Variants in TLN2 observed in about 807,000 individuals in gnomAD.
The protein encoded by TLN2 is talin 2, also known as talin-2.
TLN2 carries 118 observed loss-of-function variants against 294.7 expected under a neutral mutation model. The observed-to-expected ratio is 0.40, with a 90% CI of 0.34 to 0.47. The LOEUF (loss-of-function observed/expected upper bound fraction) is 0.47, where lower values mean the gene tolerates loss of function less well. Ranked by LOEUF, TLN2 falls within the 20% of genes least tolerant of loss-of-function variation. TLN2 has a pLI of 0.84. For synonymous variants in TLN2, 1,431 were observed against 1,304.5 expected, an observed-to-expected ratio of 1.10 and a Z score of -2.09; for missense variants, 3,083 against 3,282.2, an observed-to-expected ratio of 0.94 and a Z score of 1.48.
At chr15:62,508,459 C>T (rs2039752208) in intron 1 of TLN2, among the ~76,000 whole-genome samples, 1 of 152,184 alleles carries the variant, frequency 6.6e-6, no homozygotes, top group South Asian at 2.1e-4. Context: ...TTGTGATCCA[C>T]CCGCCTCGGC....
chr15:62,601,806 G>C (rs1322345785), intron 2 of TLN2, among the ~76,000 whole-genome samples: 1 of 152,166 alleles, frequency 6.6e-6, no homozygotes, highest in African/African-American at 2.4e-5. Context: ...GTCCAAAAGA[G>C]ATCACTGAGA....
At chr15:62,598,928 G>T (rs1178094914) in intron 2 of TLN2, among the ~76,000 whole-genome samples, 1 of 152,114 alleles carries the variant, frequency 6.6e-6, no homozygotes, top group Non-Finnish European at 1.5e-5. Context: ...TCACTAGACA[G>T]AACTAGAGGA....
chr15:62,563,438 G>C (rs1039444667), intron 1 of TLN2, among the ~76,000 whole-genome samples: 1 of 152,000 alleles, frequency 6.6e-6, no homozygotes, highest in Non-Finnish European at 1.5e-5. Context: ...TTTTTGATGG[G>C]CTTATTTGTT....
At chr15:62,611,442 C>T (rs2047907450) in intron 2 of TLN2, among the ~76,000 whole-genome samples, 1 of 152,144 alleles carries the variant, frequency 6.6e-6, no homozygotes, top group African/African-American at 2.4e-5. Flanking sequence ...ACAGTAGTCC[C>T]CAGAGGGCAA....
intron 33 of TLN2, among the ~76,000 whole-genome samples, chr15:62,748,860 T>G (rs774633525): frequency 2.6e-5 from 4 of 152,190 alleles, no homozygotes; most frequent in Admixed American, 6.5e-5. Context: ...GTAAAAATGA[T>G]TTTCCCATAC....
chr15:62,538,499 G>A (rs1486447049), intron 1 of TLN2, among the ~76,000 whole-genome samples: 3 of 152,152 alleles, frequency 2.0e-5, no homozygotes, highest in Admixed American at 1.3e-4. Context: ...TTATTTTCAG[G>A]TTGTATAGCA....
chr15:62,570,025 T>C (rs1287574409), intron 1 of TLN2, among the ~76,000 whole-genome samples: 1 of 152,180 alleles, frequency 6.6e-6, no homozygotes, highest in Non-Finnish European at 1.5e-5. Flanking sequence ...TCTTCCTTCT[T>C]CTCTATCTCT....
Position 62,795,061 on chromosome 15 carries a change from C to T in TLN2, c.5884-1066C>T, listed in dbSNP as rs191844390. On this transcript the variant is annotated intron_variant, in intron 46 of 58. Coordinates refer to ENST00000636159, the MANE Select transcript of TLN2 (RefSeq NM_015059.3). ...GCAAGAACGGTGTGCTGTGGCGTCC[C>T]GGGAGGCAGGGCTGTCTCTGGAAGA... is the stretch of plus-strand genomic sequence containing the variant. 1.2e-3 allele frequency among the ~76,000 whole-genome samples: 185 copies of T among 152,266 alleles called. 1 individual carries two copies. Among genetic ancestry groups the T allele is most frequent in the African/African-American group, 3.8e-3 (158 of 41,554 alleles).
chr15:62,616,358 G>A (rs1349103654), intron 2 of TLN2, among the ~76,000 whole-genome samples: 1 of 152,140 alleles, frequency 6.6e-6, no homozygotes, highest in African/African-American at 2.4e-5. Flanking sequence ...TTATAAGTTG[G>A]TATTACTGTC....
chr15:62,797,205 C>T lies in TLN2; in HGVS notation c.6051-14C>T. The T allele has an allele frequency of 1.2e-6, 2 of 1,614,088 alleles. No individual in the cohort carries two copies. Among genetic ancestry groups the T allele is most frequent in the Middle Eastern group, 1.7e-4 (1 of 6,040 alleles). Reference sequence around the variant, plus strand: ...TGTCTCTCCCCCTCTCCCCTGCCCTCCTGGCTCTCTCAGGGAGAACATTCT... The same window carrying T: ...TGTCTCTCCCCCTCTCCCCTGCCCTTCTGGCTCTCTCAGGGAGAACATTCT... On this transcript the variant is annotated splice_polypyrimidine_tract_variant and intron_variant, in intron 47 of 58. Coordinates refer to ENST00000636159, the MANE Select transcript of TLN2 (RefSeq NM_015059.3).
intron 1 of TLN2, among the ~76,000 whole-genome samples, chr15:62,496,525 C>A (rs1315725633): frequency 1.0e-5 from 1 of 96,338 alleles, no homozygotes; most frequent in Admixed American, 1.0e-4. Context: ...AGCAGCTTCC[C>A]GTCTTGGAGC....
At chr15:62,460,507 C>T (rs374687153) in intron 1 of TLN2, among the ~76,000 whole-genome samples, 17 of 152,098 alleles carry the variant, frequency 1.1e-4, no homozygotes, top group Non-Finnish European at 2.2e-4. Flanking sequence ...AGGTGATCCA[C>T]CCGCCTCGGC....
intron 1 of TLN2, among the ~76,000 whole-genome samples, chr15:62,414,164 CTATATATATATATA>C (rs780803268): frequency 1.1e-5 from 1 of 90,640 alleles, no homozygotes; most frequent in Non-Finnish European, 2.1e-5. Context: ...AAAAAAAAAA[CTATATATATATATA>C]TATATATATA....
At chr15:62,524,811 C>A (rs995654771) in intron 1 of TLN2, among the ~76,000 whole-genome samples, 10 of 152,166 alleles carry the variant, frequency 6.6e-5, no homozygotes, top group Admixed American at 1.3e-4. Context: ...TCTGGAAGTT[C>A]ATGTTGGTAT....
intron 3 of TLN2, among the ~76,000 whole-genome samples, chr15:62,639,972 C>T (rs1458817534): frequency 6.6e-6 from 1 of 152,144 alleles, no homozygotes; most frequent in South Asian, 2.1e-4. Flanking sequence ...ACTTACCTTC[C>T]TAGATGGGGA....
intron 3 of TLN2, among the ~76,000 whole-genome samples, chr15:62,644,074 G>T (rs561667097): frequency 6.6e-6 from 1 of 152,038 alleles, no homozygotes; most frequent in Non-Finnish European, 1.5e-5. Context: ...ACTTGCTCAG[G>T]AGACAAGTCT....
intron 38 of TLN2, 66 bp downstream of exon 38, chr15:62,761,887 T>C (rs1237732617): frequency 6.3e-7 from 1 of 1,598,880 alleles, no homozygotes; most frequent in African/African-American, 1.3e-5. Flanking sequence ...ACCAAATGAG[T>C]TACTAGTTAA....
At chr15:62,511,403 T>C (rs2039927507) in intron 1 of TLN2, among the ~76,000 whole-genome samples, 1 of 152,376 alleles carries the variant, frequency 6.6e-6, no homozygotes, top group South Asian at 2.1e-4. Context: ...AAAATTTCTT[T>C]GAATTCTCCC....
intron 21 of TLN2, among the ~76,000 whole-genome samples, chr15:62,709,424 G>T (rs886981993): frequency 6.6e-6 from 1 of 152,136 alleles, no homozygotes; most frequent in African/African-American, 2.4e-5. Flanking sequence ...CTGGGTGTCT[G>T]GGCCAGATAG....
Sources: gnomAD v4.1 joint callset for allele counts (sites outside exome capture counted in the v4.1 genomes callset) on GRCh38, gnomAD v4.1.1 for gene constraint, MANE v1.5 for transcripts, NCBI Gene and HGNC (gene_info 2026-07-23, HGNC 2026-07-21) for gene names.